The following PTPRN2 variants were observed in gnomAD, a reference collection of about 807,000 sequenced individuals.
PTPRN2 encodes the protein receptor-type tyrosine-protein phosphatase N2.
Under a neutral mutation model 118.8 loss-of-function variants are expected in PTPRN2, and 74 were observed. The observed-to-expected ratio is 0.62, with a 90% confidence interval of 0.52 to 0.76. The LOEUF (loss-of-function observed/expected upper bound fraction) is 0.76. Among genes scored for constraint, PTPRN2 ranks in the 30% least tolerant of loss-of-function variants. The probability of loss-of-function intolerance (pLI) is 0.00; values close to 1 mark genes in which losing one functional copy is unlikely to be tolerated. For synonymous variants in PTPRN2, 641 were observed against 608.0 expected (o/e 1.05, Z -0.80); for missense variants, 1,481 against 1,394.4 (o/e 1.06, Z -0.99).
intron 6 of PTPRN2, among the ~76,000 whole-genome samples, chr7:158,147,635 T>A: frequency 2.1e-5 from 2 of 95,678 alleles, no homozygotes; most frequent in African/African-American, 4.3e-5. Context: ...TCTTTCCCCC[T>A]CAATGACACC....
rs540987140 is a variant in PTPRN2 at position 157,634,646 on chromosome 7, G to A, written c.2197-13137C>T. 2.6e-5 allele frequency among the ~76,000 whole-genome samples: 4 copies of A among 152,204 alleles called. No homozygotes were observed. The East Asian group carries it at 7.7e-4, about 29-fold the overall frequency. On this transcript the variant is annotated intron_variant, in intron 14 of 22. Coordinates refer to ENST00000389418, the MANE Select transcript of PTPRN2 (RefSeq NM_002847.5). ...TGAATTATCCCCCACAGGTCAGAGG[G>A]GCCGTACGACCTCTTCCAGACCCCC...
chr7:157,797,400 C>T lies in PTPRN2; in HGVS notation c.1788+101273G>A, dbSNP rs189104853. ...TACACCTGATATTTACAAGGTGTGG[C>T]AAGTGAGAATTTCATCCCAGCCTCC... On this transcript the variant is annotated intron_variant, in intron 12 of 22. Transcript: ENST00000389418. Among the ~76,000 whole-genome samples, 269 of 152,344 alleles carry T rather than the reference C, an allele frequency of 1.8e-3. 1 individual carries two copies. The highest frequency in any genetic ancestry group is 5.6e-3 in the African/African-American group (233 of 41,574).
chr7:157,713,216 A>ACC (rs1016578826), intron 12 of PTPRN2, among the ~76,000 whole-genome samples: 1 of 43,442 alleles, frequency 2.3e-5, no homozygotes, highest in African/African-American at 1.9e-4. Context: ...ATCTCCATCC[A>ACC]CCCCTCCTCC....
At position 157,970,755 on chromosome 7, in the gene PTPRN2, T is replaced by G. The variant is rs375658321; in HGVS notation, c.1724-72018A>C. ...CCAGCAGGGGTAGCTGTGCAGCCAGTGGAGTGGCTTCTGTGCCCAGCATGC... is the reference window on the plus strand; with the variant it reads ...CCAGCAGGGGTAGCTGTGCAGCCAGGGGAGTGGCTTCTGTGCCCAGCATGC... On this transcript the variant is annotated intron_variant, in intron 11 of 22. Coordinates refer to ENST00000389418, the MANE Select transcript of PTPRN2 (RefSeq NM_002847.5). 2.4e-3 allele frequency among the ~76,000 whole-genome samples: 359 copies of G among 150,734 alleles called. 15 individuals carry two copies. In the South Asian group the frequency reaches 0.075, roughly 31 times the overall value.
At chr7:158,045,289 C>A (rs554190930) in intron 11 of PTPRN2, among the ~76,000 whole-genome samples, 2 of 152,206 alleles carry the variant, frequency 1.3e-5, no homozygotes, top group Non-Finnish European at 2.9e-5. Context: ...TGTCGGGAAG[C>A]TCCAAATGGC....
chr7:158,528,726 G>A (rs962635622), intron 1 of PTPRN2, among the ~76,000 whole-genome samples: 2 of 149,984 alleles, frequency 1.3e-5, no homozygotes, highest in African/African-American at 4.9e-5. Context: ...CATGGGAGGC[G>A]GAGCTTCCAG....
intron 3 of PTPRN2, among the ~76,000 whole-genome samples, chr7:158,307,182 T>C (rs1351160280): frequency 6.6e-6 from 1 of 152,178 alleles, no homozygotes; most frequent in Non-Finnish European, 1.5e-5. Context: ...GAGCTATTTT[T>C]AATGTGCTCC....
chr7:157,777,771 G>T (rs553984147), intron 12 of PTPRN2, among the ~76,000 whole-genome samples: 3 of 152,288 alleles, frequency 2.0e-5, no homozygotes, highest in African/African-American at 7.2e-5. Context: ...TGCATGCAAT[G>T]CCTACAGTAA....
chr7:158,370,251 G>A (rs952360312), intron 2 of PTPRN2, among the ~76,000 whole-genome samples: 52 of 151,882 alleles, frequency 3.4e-4, no homozygotes, highest in Admixed American at 2.1e-3. Context: ...CAGCCTGGCC[G>A]ACACGGCAAA....
intron 11 of PTPRN2, among the ~76,000 whole-genome samples, chr7:157,982,966 CAG>C (rs1352051605): frequency 9.9e-5 from 7 of 70,998 alleles, no homozygotes; most frequent in Admixed American, 1.5e-4. Flanking sequence ...GAGGGGAATG[CAG>C]AGTGCAGGGT....
intron 12 of PTPRN2, among the ~76,000 whole-genome samples, chr7:157,712,751 C>CA (rs755055515): frequency 0.031 from 2,753 of 89,330 alleles, 38 homozygotes; most frequent in African/African-American, 0.06. Flanking sequence ...AACTCCATCT[C>CA]AAAAAAAAAA....
At chr7:157,957,509 C>T (rs7789345) in intron 11 of PTPRN2, among the ~76,000 whole-genome samples, 13 of 152,014 alleles carry the variant, frequency 8.6e-5, no homozygotes, top group East Asian at 1.9e-4. Flanking sequence ...AATAAATCAT[C>T]AATTAATACT....
intron 2 of PTPRN2, among the ~76,000 whole-genome samples, chr7:158,470,086 G>A (rs1408038172): frequency 6.6e-6 from 1 of 152,204 alleles, no homozygotes; most frequent in Non-Finnish European, 1.5e-5. Context: ...CATCACAACG[G>A]GCTGCCATCA....
In PTPRN2 at chr7:158,181,113, C is replaced by G. The variant is rs184989784; in HGVS notation, c.549+11214G>C. 3.2e-3 allele frequency among the ~76,000 whole-genome samples: 485 copies of G among 152,238 alleles called. 1 individual carries two copies. Among genetic ancestry groups the G allele is most frequent in the African/African-American group, 0.011 (464 of 41,528 alleles). On this transcript the variant is annotated intron_variant, in intron 5 of 22. Coordinates refer to ENST00000389418, the MANE Select transcript of PTPRN2 (RefSeq NM_002847.5). Reference sequence around the variant, plus strand: ...GCTTTTATTATTTTGAGGTAAGTCCCTTCTGTGCCGAGTTTGTTGAGAGTT... The same window carrying G: ...GCTTTTATTATTTTGAGGTAAGTCCGTTCTGTGCCGAGTTTGTTGAGAGTT...
chr7:158,378,322 C>T lies in PTPRN2; in HGVS notation c.164-61390G>A, dbSNP rs542002093. On this transcript the variant is annotated intron_variant, in intron 2 of 22. Transcript: ENST00000389418. ...TTCCTAAAGGGGCCTGCAAGCCCCG[C>T]CTGCTGCCCAGAGGCTTCCCCAGGC... is the stretch of plus-strand genomic sequence containing the variant. Among the ~76,000 whole-genome samples, 41 of 152,338 alleles carry T rather than the reference C, an allele frequency of 2.7e-4. 1 individual carries two copies. The Middle Eastern group carries it at 0.017, about 63-fold the overall frequency.
intron 3 of PTPRN2, among the ~76,000 whole-genome samples, chr7:158,210,249 C>T (rs1318857148): frequency 6.7e-6 from 1 of 148,270 alleles, no homozygotes; most frequent in Non-Finnish European, 1.5e-5. Context: ...CATTCTCCTG[C>T]CTCAGCCTCC....
At chr7:158,188,509 T>G (rs1173574518) in intron 5 of PTPRN2, among the ~76,000 whole-genome samples, 2 of 38,422 alleles carry the variant, frequency 5.2e-5, no homozygotes, top group Non-Finnish European at 8.9e-5. Flanking sequence ...CGCCCCCTGA[T>G]GGGGAAGGCC....
chr7:158,191,636 G>A (rs1029908087), intron 5 of PTPRN2, among the ~76,000 whole-genome samples: 3 of 152,096 alleles, frequency 2.0e-5, no homozygotes, highest in East Asian at 1.9e-4. Context: ...TCCTAATTCC[G>A]TGTCCTTAAG....
intron 12 of PTPRN2, among the ~76,000 whole-genome samples, chr7:157,829,672 A>G (rs941270363): frequency 2.6e-5 from 4 of 152,248 alleles, no homozygotes; most frequent in African/African-American, 9.6e-5. Flanking sequence ...AGGACAGAGC[A>G]TGACCGTGCA....
Sources: allele counts gnomAD v4.1 joint callset (sites outside exome capture counted in the v4.1 genomes callset), GRCh38; gene constraint gnomAD v4.1.1; transcripts MANE v1.5; gene names NCBI Gene and HGNC (gene_info 2026-07-23, HGNC 2026-07-21).